Variants in SUPT3H observed in about 807,000 individuals in gnomAD.
SUPT3H encodes SPT3 homolog, SAGA and STAGA complex component.
In SUPT3H, 44 loss-of-function variants were observed where a neutral mutation model predicts 44.3. That is an observed-to-expected ratio of 0.99 (90% CI 0.78 to 1.28). The LOEUF (loss-of-function observed/expected upper bound fraction) is 1.28. Ranked by LOEUF, SUPT3H falls within the 50% of genes most tolerant of loss-of-function variation. The pLI is 0.00. For synonymous variants in SUPT3H, 124 were observed against 125.6 expected, an observed-to-expected ratio of 0.99 and a Z score of 0.09; for missense variants, 380 against 387.1, an observed-to-expected ratio of 0.98 and a Z score of 0.15.
At chr6:44,812,073 A>C (rs535860445) in intron 11 of SUPT3H, among the ~76,000 whole-genome samples, 1 of 152,310 alleles carries the variant, frequency 6.6e-6, no homozygotes, top group Non-Finnish European at 1.5e-5. Context: ...AAAAATACAA[A>C]TGCAGTTGTG....
chr6:45,248,841 A>G (rs555563817), intron 2 of SUPT3H, among the ~76,000 whole-genome samples: 222 of 151,576 alleles, frequency 1.5e-3, no homozygotes, highest in African/African-American at 5.1e-3. Context: ...CTTGAACCCA[A>G]GAGGCGGAGG....
At chr6:45,261,047 T>C (rs1431168009) in intron 2 of SUPT3H, among the ~76,000 whole-genome samples, 1 of 152,084 alleles carries the variant, frequency 6.6e-6, no homozygotes, top group Non-Finnish European at 1.5e-5. Flanking sequence ...AGAAGTATAT[T>C]TTAAAATAAT....
intron 2 of SUPT3H, among the ~76,000 whole-genome samples, chr6:45,165,476 C>T (rs761485347): frequency 6.6e-6 from 1 of 151,784 alleles, no homozygotes; most frequent in Non-Finnish European, 1.5e-5. Flanking sequence ...TTATGAAACG[C>T]AAAAATACAA....
intron 2 of SUPT3H, among the ~76,000 whole-genome samples, chr6:45,256,761 C>T (rs1218495747): frequency 1.3e-5 from 2 of 152,180 alleles, no homozygotes; most frequent in African/African-American, 4.8e-5. Flanking sequence ...TGGCATATGT[C>T]AGTACTTCCG....
In SUPT3H at chr6:44,993,073, G is replaced by A. The variant is rs1423801128; in HGVS notation, c.504+10580C>T. Among the ~76,000 whole-genome samples the A allele has an allele frequency of 3.9e-5, 6 of 152,212 alleles. No homozygotes were observed. In the East Asian group the frequency reaches 1.2e-3, roughly 29 times the overall value. On this transcript the variant is annotated intron_variant, in intron 6 of 10. Coordinates refer to ENST00000371459, the MANE Select transcript of SUPT3H (RefSeq NM_003599.4). ...AACTACTTGGGAGGCTCAGGCTAGA[G>A]GATCGATCAAGCCTGGGAGGTTGAG...
At chr6:45,262,284 G>C (rs1345095929) in intron 2 of SUPT3H, among the ~76,000 whole-genome samples, 1 of 151,198 alleles carries the variant, frequency 6.6e-6, no homozygotes, top group Non-Finnish European at 1.5e-5. Context: ...TAAGCAAAAA[G>C]AAAAGCATAT....
chr6:45,100,559 A>AAAAAAAAAC (rs1798424595), intron 3 of SUPT3H, among the ~76,000 whole-genome samples: 1 of 149,224 alleles, frequency 6.7e-6, no homozygotes, highest in Non-Finnish European at 1.5e-5. Flanking sequence ...AAAAAAAAAA[A>AAAAAAAAAC]AAAAAGACAC....
intron 2 of SUPT3H, among the ~76,000 whole-genome samples, chr6:45,287,343 A>T (rs1465734072): frequency 6.6e-6 from 1 of 152,214 alleles, no homozygotes; most frequent in Non-Finnish European, 1.5e-5. Context: ...CACAATAGCC[A>T]AAAGGTCAAC....
chr6:44,883,781 T>C (rs1274714987), intron 10 of SUPT3H, among the ~76,000 whole-genome samples: 2 of 152,184 alleles, frequency 1.3e-5, no homozygotes, highest in Non-Finnish European at 2.9e-5. Context: ...AAGGATTCCC[T>C]ATTTAATAAA....
At chr6:45,268,269 G>A (rs901506697) in intron 2 of SUPT3H, among the ~76,000 whole-genome samples, 3 of 152,038 alleles carry the variant, frequency 2.0e-5, no homozygotes, top group Admixed American at 1.3e-4. Flanking sequence ...TTAAAAAGGG[G>A]TGCGTGTGGA....
At chr6:44,880,385 A>G (rs1330687732) in intron 10 of SUPT3H, among the ~76,000 whole-genome samples, 3 of 152,126 alleles carry the variant, frequency 2.0e-5, no homozygotes, top group Non-Finnish European at 2.9e-5. Context: ...AGAAAAAAGA[A>G]TGAAAAGGAG....
chr6:45,319,036 T>C (rs1294547324), intron 2 of SUPT3H, among the ~76,000 whole-genome samples: 1 of 152,146 alleles, frequency 6.6e-6, no homozygotes, highest in Non-Finnish European at 1.5e-5. Flanking sequence ...TGTCAACTAG[T>C]TCATTAAATT....
chr6:44,846,099 T>G (rs1393371065), intron 10 of SUPT3H, among the ~76,000 whole-genome samples: 1 of 151,984 alleles, frequency 6.6e-6, no homozygotes, highest in African/African-American at 2.4e-5. Flanking sequence ...CCCCTAGAGG[T>G]ATGGGCAGTG....
intron 2 of SUPT3H, among the ~76,000 whole-genome samples, chr6:45,352,118 T>C (rs1029818441): frequency 3.3e-5 from 5 of 152,188 alleles, no homozygotes; most frequent in Non-Finnish European, 5.9e-5. Context: ...CCTGACCTTT[T>C]TTATAAGCAA....
chr6:45,136,437 A>G (rs1407744491), intron 2 of SUPT3H, among the ~76,000 whole-genome samples: 1 of 152,290 alleles, frequency 6.6e-6, no homozygotes, highest in East Asian at 1.9e-4. Context: ...ATAAGATATA[A>G]CAAACAAGAA....
chr6:45,245,632 C>G (rs144624393), intron 2 of SUPT3H, among the ~76,000 whole-genome samples: 16 of 152,274 alleles, frequency 1.1e-4, no homozygotes, highest in Non-Finnish European at 1.8e-4. Flanking sequence ...CTTTGTAAAA[C>G]TAAATAATAT....
intron 10 of SUPT3H, among the ~76,000 whole-genome samples, chr6:44,915,132 C>T (rs1224625398): frequency 6.6e-6 from 1 of 152,042 alleles, no homozygotes; most frequent in Non-Finnish European, 1.5e-5. Flanking sequence ...AAGAGAGTGG[C>T]AAAATTCTCC....
At chr6:44,810,090 C>A (rs1370597265) in intron 11 of SUPT3H, among the ~76,000 whole-genome samples, 1 of 152,152 alleles carries the variant, frequency 6.6e-6, no homozygotes, top group Non-Finnish European at 1.5e-5. Flanking sequence ...TTCAGCAGCT[C>A]TGGACAAGAG....
chr6:45,344,908 T>C (rs1790537374), intron 2 of SUPT3H, among the ~76,000 whole-genome samples: 1 of 152,182 alleles, frequency 6.6e-6, no homozygotes, highest in South Asian at 2.1e-4. Context: ...AGGGACTCTT[T>C]ACAAGCAGGA....
Sources: gnomAD v4.1 joint callset for allele counts (sites outside exome capture counted in the v4.1 genomes callset) on GRCh38, gnomAD v4.1.1 for gene constraint, MANE v1.5 for transcripts, NCBI Gene and HGNC (gene_info 2026-07-23, HGNC 2026-07-21) for gene names.